ZNF799: variants seen among roughly 807,000 people sequenced by gnomAD.
ZNF799 encodes zinc finger protein 14.
A neutral mutation model predicts 41.0 loss-of-function variants in ZNF799; 28 were observed. The ratio of observed to expected loss-of-function variants is 0.68; its 90% CI spans 0.51 to 0.94. The LOEUF (loss-of-function observed/expected upper bound fraction) is 0.94, where lower values mean the gene tolerates loss of function less well. Ranked by LOEUF, ZNF799 falls within the 40% of genes least tolerant of loss-of-function variation. The probability of loss-of-function intolerance (pLI) is 0.00; values close to 1 mark genes in which losing one functional copy is unlikely to be tolerated. For missense variants in ZNF799, 716 were observed against 764.3 expected, an observed-to-expected ratio of 0.94 and a Z score of 0.74; for synonymous variants, 213 against 252.9, an observed-to-expected ratio of 0.84 and a Z score of 1.50.
At chr19:12,398,765 T>C (rs548439034) in intron 1 of ZNF799, among the ~76,000 whole-genome samples, 1 of 152,314 alleles carries the variant, frequency 6.6e-6, no homozygotes, top group East Asian at 1.9e-4. Flanking sequence ...TAAAAATGTA[T>C]TCCTTTTTTG....
chr19:12,396,479 A>C (rs1344393844), intron 1 of ZNF799, among the ~76,000 whole-genome samples: 1 of 152,164 alleles, frequency 6.6e-6, no homozygotes, highest in Non-Finnish European at 1.5e-5. Flanking sequence ...GTGAAACCCT[A>C]TCTCTACTAA....
Position 12,391,863 on chromosome 19 carries a change from T to C in ZNF799, c.535A>G (p.Ser179Gly). 4 of 1,614,216 alleles carry C rather than the reference T, an allele frequency of 2.5e-6. No individual in the cohort carries two copies. The highest frequency in any genetic ancestry group is 3.4e-6 in the Non-Finnish European group (4 of 1,180,014). The change falls in exon 4 of 4, where the codon AGT becomes GGT. Residue 179 changes from serine to glycine, a missense_variant. Physicochemically the swap from Ser to Gly is moderately conservative, Grantham distance 56 (BLOSUM62 0). Coordinates refer to ENST00000430385, the MANE Select transcript of ZNF799 (RefSeq NM_001080821.3). The stretch of plus-strand genomic sequence containing the variant: ...TGTCTTTGAAGGTTTCCCAAAGAAC[T>C]GAAGGACTTCCCACATTCTTTACAA... ...YNCKECGKSF[S>G]SLGNLQRHMA...
At chr19:12,407,781 A>T in the ZNF799 span, among the ~76,000 whole-genome samples, 3 of 152,182 alleles carry the variant, frequency 2.0e-5, no homozygotes, top group Admixed American at 2.0e-4. Context: ...CTATACCAGA[A>T]GCCAGTATGA....
chr19:12,404,487 C>T (rs902455769), upstream of ZNF799, among the ~76,000 whole-genome samples: 4 of 151,858 alleles, frequency 2.6e-5, no homozygotes, highest in Admixed American at 2.0e-4. Flanking sequence ...CACGCTGGAG[C>T]GCAATGTTGC....
At position 12,392,337 on chromosome 19, in the gene ZNF799, T is replaced by C. The variant is rs912175908; in HGVS notation, c.192-131A>G. ...GCTTCGTGTCCTGCTTGAACGTGAA[T>C]GGATGGAATGCTGTGCAAGGTAACT... On this transcript the variant is annotated intron_variant, in intron 3 of 3. Coordinates refer to ENST00000430385, the MANE Select transcript of ZNF799 (RefSeq NM_001080821.3). The C allele has an allele frequency of 1.5e-5, 20 of 1,373,048 alleles. No homozygotes were observed. In the African/African-American group the frequency reaches 2.6e-4, roughly 18 times the overall value. The allele number at this position is 1,373,048 out of a possible 1,614,324, so 85.1% of individuals were successfully genotyped here.
At position 12,391,500 on chromosome 19, in the gene ZNF799, C is replaced by T. The variant is rs373883893; in HGVS notation, c.898G>A (p.Glu300Lys). 34 of 1,613,796 alleles carry T rather than the reference C, an allele frequency of 2.1e-5. No individual in the cohort carries two copies. The highest frequency in any genetic ancestry group is 2.5e-5 in the Non-Finnish European group (30 of 1,179,944). ...GGTTTCTCATCAGTGTGAGTTGTTT[C>T]GTGTCTTCGAAGGGAAGTGGAAGCA... ...FSASTSLRRHETTHTDEKPYA... is the reference protein window; with the variant it reads ...FSASTSLRRHKTTHTDEKPYA... The change falls in exon 4 of 4, where the codon GAA (glutamate) becomes AAA (lysine). Residue 300 changes from glutamate to lysine, a missense_variant. Physicochemically the swap from Glu to Lys is moderately conservative, Grantham distance 56. This residue lies in a region of ZNF799 where 698 missense variants were observed against 713.6 expected (regional missense o/e 0.98). Coordinates refer to ENST00000430385, the MANE Select transcript of ZNF799 (RefSeq NM_001080821.3).
the ZNF799 span, among the ~76,000 whole-genome samples, chr19:12,414,588 C>T: frequency 9.2e-4 from 140 of 152,306 alleles, no homozygotes; most frequent in African/African-American, 3.3e-3. Context: ...CATGGCCAAG[C>T]CTTTCTCCCA....
intron 1 of ZNF799, chr19:12,400,399 T>TG (rs982657185): frequency 2.6e-5 from 4 of 152,620 alleles, no homozygotes; most frequent in African/African-American, 9.7e-5. Flanking sequence ...TCAGCCCCGC[T>TG]GCCTCAAGGG....
intron 1 of ZNF799, among the ~76,000 whole-genome samples, chr19:12,395,788 G>A (rs1243577583): frequency 6.6e-6 from 1 of 152,228 alleles, no homozygotes; most frequent in Non-Finnish European, 1.5e-5. Flanking sequence ...TAAAGCATAA[G>A]TAGAGTATTA....
upstream of ZNF799, among the ~76,000 whole-genome samples, chr19:12,405,635 C>T (rs1970024341): frequency 6.6e-6 from 1 of 152,136 alleles, no homozygotes; most frequent in Non-Finnish European, 1.5e-5. Flanking sequence ...ACTGAATGAA[C>T]ACAGAGGAAT....
At position 12,390,390 on chromosome 19, in the gene ZNF799, T is replaced by C. The variant is rs1004716024; in HGVS notation, c.*76A>G. The C allele has an allele frequency of 2.1e-5, 33 of 1,600,270 alleles. No homozygotes were observed. The highest frequency in any genetic ancestry group is 1.5e-5 in the Non-Finnish European group (18 of 1,173,292). ...TTACATTCACAGGGTCTATCTCCAA[T>C]GTGTTTCGTACAAGTATCTGAAATG... On this transcript the variant is annotated 3_prime_UTR_variant, in exon 4 of 4. Transcript: ENST00000430385.
upstream of ZNF799, among the ~76,000 whole-genome samples, chr19:12,403,614 G>A (rs368934271): frequency 6.3e-4 from 95 of 151,294 alleles, 1 homozygote; most frequent in East Asian, 0.017. Context: ...GTGCAATGGC[G>A]CAATCTCAGC....
Position 12,401,269 on chromosome 19 carries a change from G to T in ZNF799, c.-199C>A. On this transcript the variant is annotated 5_prime_UTR_variant, in exon 1 of 4. Coordinates refer to ENST00000430385, the MANE Select transcript of ZNF799 (RefSeq NM_001080821.3). ...ACTCCTCTGGGAAGCGCGCCTGATTGACAGTTCCCACGAACCCGCCCCACG... is the reference window on the plus strand; with the variant it reads ...ACTCCTCTGGGAAGCGCGCCTGATTTACAGTTCCCACGAACCCGCCCCACG... 1 of 1,375,750 alleles carries T rather than the reference G, an allele frequency of 7.3e-7. No homozygotes were observed. Among genetic ancestry groups the T allele is most frequent in the South Asian group, 1.5e-5 (1 of 67,452 alleles). 85.2% of individuals were successfully genotyped at this position (1,375,750 alleles called of 1,614,324 possible).
chr19:12,410,642 A>G, the ZNF799 span, among the ~76,000 whole-genome samples: 5 of 152,184 alleles, frequency 3.3e-5, no homozygotes, highest in Admixed American at 3.3e-4. Context: ...CAAACAAGAT[A>G]TCAATTAAAA....
rs762971271 is a variant in ZNF799, at chr19:12,401,082, C to T, written c.-12G>A. ...AGCACACGCACCATTTCCCGACTTC[C>T]GCGGTGTCCCAGGTCCTCCGGACGG... On this transcript the variant is annotated 5_prime_UTR_variant, in exon 1 of 4. Transcript: ENST00000430385. 6.8e-6 allele frequency: 11 copies of T among 1,613,800 alleles called. No individual in the cohort carries two copies. Among genetic ancestry groups the T allele is most frequent in the Admixed American group, 1.7e-5 (1 of 60,008 alleles).
chr19:12,401,480 C>T (rs996070004), upstream of ZNF799, among the ~76,000 whole-genome samples: 2 of 151,626 alleles, frequency 1.3e-5, no homozygotes, highest in Non-Finnish European at 2.9e-5. Flanking sequence ...GAATTTCCTG[C>T]CTGTACTCAA....
the ZNF799 span, among the ~76,000 whole-genome samples, chr19:12,408,790 A>G: frequency 6.2e-4 from 94 of 152,292 alleles, no homozygotes; most frequent in African/African-American, 2.1e-3. Flanking sequence ...TCCCAGCACT[A>G]TGGAAGGCCG....
At chr19:12,394,787 A>C in intron 1 of ZNF799, 6 of 985,356 alleles carry the variant, frequency 6.1e-6, no homozygotes, top group Non-Finnish European at 7.2e-6. Context: ...TACATTACCA[A>C]ATCTAATAGA....
At chr19:12,401,006 C>G (rs767102414) in intron 1 of ZNF799, 62 bp downstream of exon 1, 52 of 1,613,702 alleles carry the variant, frequency 3.2e-5, no homozygotes, top group Non-Finnish European at 4.3e-5. Flanking sequence ...CAGCCACAGC[C>G]GATTACTGCA....
Sources: allele counts gnomAD v4.1 joint callset (sites outside exome capture counted in the v4.1 genomes callset), GRCh38; gene constraint gnomAD v4.1.1; regional missense constraint gnomAD v4.1.1; transcripts MANE v1.5; gene names NCBI Gene and HGNC (gene_info 2026-07-23, HGNC 2026-07-21).